The following MRTFB variants were observed in gnomAD, a reference collection of about 807,000 sequenced individuals.
The protein encoded by MRTFB is myocardin-related transcription factor B.
A neutral mutation model predicts 104.2 loss-of-function variants in MRTFB; 29 were observed. The ratio of observed to expected loss-of-function variants is 0.28; its 90% CI spans 0.21 to 0.38. The LOEUF is 0.38. MRTFB is among the 10% of genes least tolerant of loss of function. MRTFB has a pLI of 1.00. For synonymous variants in MRTFB, 535 were observed against 519.5 expected, an observed-to-expected ratio of 1.03 and a Z score of -0.41; for missense variants, 1,270 against 1,341.6, an observed-to-expected ratio of 0.95 and a Z score of 0.83.
intron 2 of MRTFB, among the ~76,000 whole-genome samples, chr16:14,107,883 C>T (rs1179265365): frequency 6.6e-6 from 1 of 152,206 alleles, no homozygotes; most frequent in Admixed American, 6.5e-5. Flanking sequence ...ACATGCCTGC[C>T]TTTGGTCTAA....
chr16:14,231,424 GGT>G (rs1371672074), intron 8 of MRTFB, among the ~76,000 whole-genome samples: 2 of 152,142 alleles, frequency 1.3e-5, no homozygotes, highest in South Asian at 2.1e-4. Context: ...TACTTGTGCA[GGT>G]GTGTTATATT....
chr16:14,050,626 G>A, the MRTFB span, among the ~76,000 whole-genome samples: 1 of 152,184 alleles, frequency 6.6e-6, no homozygotes, highest in African/African-American at 2.4e-5. Flanking sequence ...CAAACAGAAA[G>A]CAGAATGACT....
chr16:14,095,164 GTGT>G (rs1349514491), intron 2 of MRTFB, among the ~76,000 whole-genome samples: 4 of 152,228 alleles, frequency 2.6e-5, no homozygotes, highest in Non-Finnish European at 5.9e-5. Flanking sequence ...TCCTGCCACA[GTGT>G]TGTTTCTCTC....
intron 2 of MRTFB, among the ~76,000 whole-genome samples, chr16:14,104,872 A>G (rs1435847571): frequency 6.6e-6 from 1 of 152,202 alleles, no homozygotes; most frequent in Non-Finnish European, 1.5e-5. Flanking sequence ...TTGGCCTGCC[A>G]TGTTGAAGAC....
chr16:14,120,811 A>C (rs1203751703), intron 2 of MRTFB, among the ~76,000 whole-genome samples: 1 of 152,046 alleles, frequency 6.6e-6, no homozygotes, highest in Non-Finnish European at 1.5e-5. Context: ...GGTGGACTTG[A>C]TTTTGTGGAG....
intron 9 of MRTFB, among the ~76,000 whole-genome samples, chr16:14,237,313 A>G (rs1195886352): frequency 6.6e-6 from 1 of 152,254 alleles, no homozygotes; most frequent in Non-Finnish European, 1.5e-5. Context: ...CAGCAAAAAC[A>G]GCTAGCAAGA....
At chr16:14,064,990 T>C in the MRTFB span, among the ~76,000 whole-genome samples, 1 of 152,212 alleles carries the variant, frequency 6.6e-6, no homozygotes, top group Non-Finnish European at 1.5e-5. Flanking sequence ...TCTAAGTGTG[T>C]GCAGAATGTC....
At chr16:14,258,272 C>T (rs1226893124) in intron 16 of MRTFB, 111 bp downstream of exon 16, 3 of 807,846 alleles carry the variant, frequency 3.7e-6, no homozygotes, top group Non-Finnish European at 6.0e-6. Context: ...GAAACGTGTT[C>T]TTCTAACTGA....
chr16:14,169,087 C>T (rs976398986), intron 3 of MRTFB, among the ~76,000 whole-genome samples: 1 of 152,096 alleles, frequency 6.6e-6, no homozygotes, highest in East Asian at 1.9e-4. Context: ...TTACAGTGAG[C>T]TCTCATGTAT....
intron 3 of MRTFB, among the ~76,000 whole-genome samples, chr16:14,174,401 G>T (rs544520164): frequency 6.6e-6 from 1 of 152,224 alleles, no homozygotes; most frequent in South Asian, 2.1e-4. Context: ...ATGTCGCCCT[G>T]GCCAGGCACG....
chr16:14,233,544 T>C lies in MRTFB; in HGVS notation c.694-602T>C, dbSNP rs149581529. On this transcript the variant is annotated intron_variant, in intron 8 of 16. Coordinates refer to ENST00000571589, the MANE Select transcript of MRTFB (RefSeq NM_001308142.2). The stretch of plus-strand genomic sequence containing the variant: ...GGCTCATGGGTGTAATCTCAGCACT[T>C]TGGGAGGCCGGGGCAGGTGGATCAC... Among the ~76,000 whole-genome samples, 564 of 152,150 alleles carry C rather than the reference T, an allele frequency of 3.7e-3. 7 individuals carry two copies. Among genetic ancestry groups the C allele is most frequent in the Non-Finnish European group, 4.7e-3 (317 of 67,996 alleles).
At chr16:14,124,922 T>C (rs1217483747) in intron 2 of MRTFB, among the ~76,000 whole-genome samples, 1 of 152,240 alleles carries the variant, frequency 6.6e-6, no homozygotes, top group Non-Finnish European at 1.5e-5. Flanking sequence ...ACCACTACAG[T>C]ATTTCCTGTT....
intron 1 of MRTFB, among the ~76,000 whole-genome samples, chr16:14,076,734 G>C (rs2034084007): frequency 1.3e-5 from 2 of 152,188 alleles, no homozygotes; most frequent in Non-Finnish European, 2.9e-5. Flanking sequence ...TTCCTCCAGA[G>C]TGGCACTTAT....
intron 14 of MRTFB, 57 bp downstream of exon 14, chr16:14,252,080 C>A: frequency 6.3e-7 from 1 of 1,575,654 alleles, no homozygotes; most frequent in South Asian, 1.1e-5. Flanking sequence ...CAAATCATTC[C>A]AAAGCCTAGT....
intron 3 of MRTFB, among the ~76,000 whole-genome samples, chr16:14,191,057 T>C (rs759381992): frequency 2.6e-5 from 4 of 152,184 alleles, no homozygotes; most frequent in Non-Finnish European, 5.9e-5. Flanking sequence ...TGGAAATACA[T>C]CGAGATTAAA....
chr16:14,065,552 T>G, the MRTFB span, among the ~76,000 whole-genome samples: 3 of 152,096 alleles, frequency 2.0e-5, no homozygotes, highest in Non-Finnish European at 4.4e-5. Context: ...TCAAGGGGAA[T>G]GCTTCCTGCT....
chr16:14,112,837 T>C lies in MRTFB; in HGVS notation c.-63-27707T>C, dbSNP rs574767145. Among the ~76,000 whole-genome samples the C allele has an allele frequency of 7.2e-5, 11 of 152,272 alleles. No individual in the cohort carries two copies. The South Asian group carries it at 2.1e-3, about 29-fold the overall frequency. On this transcript the variant is annotated intron_variant, in intron 2 of 16. Transcript: ENST00000571589. ...TCTGGTCTGTGTTCCAGTGTCTCCATGGACAGAAGTGTCAGGGCTTCTCTG... is the reference window on the plus strand; with the variant it reads ...TCTGGTCTGTGTTCCAGTGTCTCCACGGACAGAAGTGTCAGGGCTTCTCTG...
intron 1 of MRTFB, among the ~76,000 whole-genome samples, chr16:14,073,019 A>G (rs1259904552): frequency 2.0e-5 from 3 of 152,222 alleles, no homozygotes; most frequent in Non-Finnish European, 4.4e-5. Flanking sequence ...TATGCTCAGT[A>G]TTCTGATACT....
chr16:14,261,525 A>G lies in MRTFB; in HGVS notation c.*81A>G, dbSNP rs778117147. On this transcript the variant is annotated 3_prime_UTR_variant, in exon 17 of 17. Transcript: ENST00000571589. ...AAGGTCAGTTTTTAGAGATAGATCT[A>G]TAGTTGCATTGTTGCAATCAAAATA... 80 of 1,349,496 alleles carry G rather than the reference A, an allele frequency of 5.9e-5. No homozygotes were observed. The highest frequency in any genetic ancestry group is 7.4e-5 in the Non-Finnish European group (73 of 987,182). 83.6% of individuals were successfully genotyped at this position (1,349,496 alleles called of 1,614,324 possible).
Sources: gnomAD v4.1 joint callset for allele counts (sites outside exome capture counted in the v4.1 genomes callset) on GRCh38, gnomAD v4.1.1 for gene constraint, MANE v1.5 for transcripts, NCBI Gene and HGNC (gene_info 2026-07-23, HGNC 2026-07-21) for gene names.